ABHD2: variants seen among roughly 807,000 people sequenced by gnomAD.
ABHD2 encodes abhydrolase domain containing 2, acylglycerol lipase.
ABHD2 carries 20 observed loss-of-function variants against 48.1 expected under a neutral mutation model. That is an observed-to-expected ratio of 0.42 (90% CI 0.29 to 0.60). ABHD2 has a LOEUF of 0.60. ABHD2 is among the 20% of genes least tolerant of loss of function. The pLI, the probability that ABHD2 is intolerant of heterozygous loss-of-function variation, is 0.24. For missense variants in ABHD2, 405 were observed against 550.9 expected (o/e 0.74, Z 2.65); for synonymous variants, 209 against 214.2 (o/e 0.98, Z 0.21).
intron 3 of ABHD2, among the ~76,000 whole-genome samples, chr15:89,134,253 C>A (rs1385282833): frequency 2.0e-5 from 3 of 152,106 alleles, no homozygotes; most frequent in African/African-American, 7.2e-5. Context: ...TTTTTAAAAG[C>A]CTAGAATTTC....
chr15:89,075,571 G>A, the ABHD2 span, among the ~76,000 whole-genome samples: 4 of 151,938 alleles, frequency 2.6e-5, no homozygotes, highest in African/African-American at 7.3e-5. The surrounding 1 kb of genome is among the most constrained non-coding windows in gnomAD (Gnocchi z 4.1). Flanking sequence ...AAGTGGAGGC[G>A]AAAAAAGATG....
At chr15:89,136,793 T>C (rs989329995) in intron 3 of ABHD2, among the ~76,000 whole-genome samples, 1 of 152,254 alleles carries the variant, frequency 6.6e-6, no homozygotes. Flanking sequence ...TTTCCAGCTC[T>C]AATCTTCCCT....
chr15:89,057,675 C>T, the ABHD2 span, among the ~76,000 whole-genome samples: 2 of 152,154 alleles, frequency 1.3e-5, no homozygotes, highest in African/African-American at 4.8e-5. Context: ...GCCATTCCCT[C>T]CATGGCCTCA....
the ABHD2 span, among the ~76,000 whole-genome samples, chr15:89,042,430 A>G: frequency 8.6e-5 from 13 of 151,978 alleles, no homozygotes; most frequent in African/African-American, 3.1e-4. Context: ...TCTGCTCCCC[A>G]ATTAGACCAT....
chr15:89,177,632 C>T lies in ABHD2; in HGVS notation c.722+1637C>T, dbSNP rs1276377650. On this transcript the variant is annotated intron_variant, in intron 6 of 10. Transcript: ENST00000352732. The surrounding 1 kb of genome is among the most constrained non-coding windows in gnomAD (Gnocchi z 5.6). ...CAGGACCAGGCTAGTCCCCCATCTT[C>T]CTACCAGGAATCTTTTCCTTCACTC... Among the ~76,000 whole-genome samples, 3 of 152,148 alleles carry T rather than the reference C, an allele frequency of 2.0e-5. No individual in the cohort carries two copies. Among genetic ancestry groups the T allele is most frequent in the African/African-American group, 7.2e-5 (3 of 41,420 alleles).
In ABHD2 at chr15:89,091,329, A is replaced by G. The variant is rs111377332; in HGVS notation, c.-107+2766A>G. Among the ~76,000 whole-genome samples, 18 of 152,230 alleles carry G rather than the reference A, an allele frequency of 1.2e-4. No homozygotes were observed. Among genetic ancestry groups the G allele is most frequent in the African/African-American group, 4.3e-4 (18 of 41,544 alleles). The stretch of plus-strand genomic sequence containing the variant: ...TCACTTCATTAAATGGCACCTTCTC[A>G]TGCTTTATTTTTCTTGAGTTGATTC... On this transcript the variant is annotated intron_variant, in intron 1 of 10. Transcript: ENST00000352732. The surrounding 1 kb of genome is among the most constrained non-coding windows in gnomAD (Gnocchi z 5.5).
the ABHD2 span, among the ~76,000 whole-genome samples, chr15:89,051,626 G>A: frequency 6.6e-6 from 1 of 152,164 alleles, no homozygotes; most frequent in Non-Finnish European, 1.5e-5. Context: ...ATGGGGGCGG[G>A]TCTTTCCCGT....
At chr15:89,110,631 A>G (rs374827941) in intron 1 of ABHD2, among the ~76,000 whole-genome samples, 1 of 152,198 alleles carries the variant, frequency 6.6e-6, no homozygotes, top group African/African-American at 2.4e-5. Context: ...GTAGTCAGGT[A>G]CTTAATTAAG....
At chr15:89,087,764 A>C (rs1441241943), upstream of ABHD2, 2 of 152,218 alleles carry the variant, frequency 1.3e-5, no homozygotes, top group African/African-American at 4.8e-5. This position sits in a 1 kb window ranked among gnomAD's most constrained non-coding sequence, Gnocchi z 5.5. Flanking sequence ...GGGTTGGTTA[A>C]GGGTTGAAAG....
In ABHD2 at chr15:89,122,249, G is replaced by A. The variant is rs180714288; in HGVS notation, c.194+5728G>A. On this transcript the variant is annotated intron_variant, in intron 3 of 10. Coordinates refer to ENST00000352732, the MANE Select transcript of ABHD2 (RefSeq NM_152924.5). ...TCCCCAACATATAACTTCTGTGTCC[G>A]TTTAAAATGTTCCATCTTGTTTTAT... 2.1e-3 allele frequency among the ~76,000 whole-genome samples: 322 copies of A among 152,178 alleles called. 1 individual carries two copies. Among genetic ancestry groups the A allele is most frequent in the African/African-American group, 7.3e-3 (304 of 41,528 alleles).
intron 3 of ABHD2, among the ~76,000 whole-genome samples, chr15:89,149,518 AG>A (rs2050556750): frequency 6.6e-6 from 1 of 152,166 alleles, no homozygotes; most frequent in Admixed American, 6.5e-5. Context: ...GAGCAGCAGG[AG>A]GGGTTGGCTT....
At chr15:89,065,780 A>T in the ABHD2 span, among the ~76,000 whole-genome samples, 1 of 152,116 alleles carries the variant, frequency 6.6e-6, no homozygotes. Context: ...GCCCCCCATG[A>T]TATAGAAATA....
At chr15:89,123,540 C>A (rs2050083890) in intron 3 of ABHD2, among the ~76,000 whole-genome samples, 1 of 149,686 alleles carries the variant, frequency 6.7e-6, no homozygotes, top group African/African-American at 2.4e-5. Flanking sequence ...AGTTTCCTCA[C>A]AAATGTGCTT....
the ABHD2 span, among the ~76,000 whole-genome samples, chr15:89,069,807 G>A: frequency 6.8e-6 from 1 of 147,560 alleles, no homozygotes. Flanking sequence ...AGCCTCCCAA[G>A]TAGCTGGGAT....
At chr15:89,187,974 C>T (rs753682789) in intron 7 of ABHD2, among the ~76,000 whole-genome samples, 12 of 152,192 alleles carry the variant, frequency 7.9e-5, no homozygotes, top group Non-Finnish European at 1.2e-4. Context: ...TAGGTTCAAA[C>T]CCAATCTTTA....
Position 89,175,783 on chromosome 15 carries a change from A to G in ABHD2, c.539-29A>G. 6.2e-7 allele frequency: 1 copy of G among 1,613,490 alleles called. No individual in the cohort carries two copies. The highest frequency in any genetic ancestry group is 8.5e-7 in the Non-Finnish European group (1 of 1,179,768). ...CTCCAGATAGGATGCACCTGAAATG[A>G]TTGAGCAATCTCACCCTTTTGCCCA... On this transcript the variant is annotated intron_variant, in intron 5 of 10. Coordinates refer to ENST00000352732, the MANE Select transcript of ABHD2 (RefSeq NM_152924.5). The surrounding 1 kb of genome is among the most constrained non-coding windows in gnomAD (Gnocchi z 5.7).
In ABHD2 at chr15:89,117,517, C is replaced by T. The variant is rs148954884; in HGVS notation, c.194+996C>T. 2.0e-4 allele frequency among the ~76,000 whole-genome samples: 30 copies of T among 152,358 alleles called. No individual in the cohort carries two copies. The East Asian group carries it at 5.8e-3, about 29-fold the overall frequency. On this transcript the variant is annotated intron_variant, in intron 3 of 10. Transcript: ENST00000352732. ...CAGGGCTCAGGCCAAGCCTCGTGCA[C>T]AGTGGGTCTGAATTCCCCACTCCTT...
At chr15:89,169,703 G>A (rs1488926506) in intron 5 of ABHD2, among the ~76,000 whole-genome samples, 1 of 152,188 alleles carries the variant, frequency 6.6e-6, no homozygotes, top group Non-Finnish European at 1.5e-5. Flanking sequence ...TGAGTGATAT[G>A]TTGGGTGTCT....
intron 5 of ABHD2, among the ~76,000 whole-genome samples, chr15:89,162,648 CT>C (rs1826801654): frequency 6.6e-6 from 1 of 152,176 alleles, no homozygotes. Context: ...AGATGTCACC[CT>C]CTCAGAGAGC....
Sources: gnomAD v4.1 joint callset for allele counts (sites outside exome capture counted in the v4.1 genomes callset) on GRCh38, gnomAD v4.1.1 for gene constraint, Gnocchi (gnomAD v3.1) non-coding constraint, MANE v1.5 for transcripts, NCBI Gene and HGNC (gene_info 2026-07-23, HGNC 2026-07-21) for gene names.